The following FAM83F variants were observed in gnomAD, a reference collection of about 807,000 sequenced individuals.
FAM83F encodes the protein scaffolding CK1 anchoring protein F, also known as protein FAM83F.
Under a neutral mutation model 42.9 loss-of-function variants are expected in FAM83F, and 45 were observed. That is an observed-to-expected ratio of 1.05 (90% confidence interval 0.83 to 1.35). FAM83F has a LOEUF of 1.35. FAM83F is among the 40% of genes most tolerant of loss of function. The pLI is 0.00. For missense variants in FAM83F, 617 were observed against 695.9 expected (o/e 0.89, Z 1.28); for synonymous variants, 306 against 298.3 (o/e 1.03, Z -0.27).
In FAM83F at chr22:40,029,584, G is replaced by C; in HGVS notation, c.*19G>C. 1 of 1,609,020 alleles carries C rather than the reference G, an allele frequency of 6.2e-7. No individual in the cohort carries two copies. The highest frequency in any genetic ancestry group is 2.2e-5 in the East Asian group (1 of 44,688). On this transcript the variant is annotated 3_prime_UTR_variant, in exon 5 of 5. Transcript: ENST00000333407. ...TTCCTGAGCTGCGGGATGGTGGTGG[G>C]CAGGACGTGTGGATGCCTGCCTGCC... is the stretch of plus-strand genomic sequence containing the variant.
chr22:40,042,662 A>G lies in FAM83F; in HGVS notation c.*13097A>G, dbSNP rs561302196. The G allele has an allele frequency of 3.5e-4, 53 of 152,344 alleles. No homozygotes were observed. Among genetic ancestry groups the G allele is most frequent in the African/African-American group, 1.2e-3 (51 of 41,574 alleles). 9.4% of individuals were successfully genotyped at this position (152,344 alleles called of 1,614,324 possible). A position where few individuals can be genotyped will look rare whatever the true frequency, so the allele number is the denominator to read the frequency against. ...TCTGCATAGCCTTTGTAACTTAGTAAAAGTGCCTGACATGCTCACTAAACA... is the reference window on the plus strand; with the variant it reads ...TCTGCATAGCCTTTGTAACTTAGTAGAAGTGCCTGACATGCTCACTAAACA... On this transcript the variant is annotated 3_prime_UTR_variant, in exon 5 of 5. Transcript: ENST00000333407.
At chr22:40,003,934 GGA>G (rs1347775839) in intron 1 of FAM83F, among the ~76,000 whole-genome samples, 1 of 152,090 alleles carries the variant, frequency 6.6e-6, no homozygotes, top group African/African-American at 2.4e-5. Context: ...CAGTGAGTCA[GGA>G]GATGGGGGTG....
In FAM83F at chr22:40,043,011, G is replaced by A. The variant is rs548614661; in HGVS notation, c.*13446G>A. 2 of 152,260 alleles carry A rather than the reference G, an allele frequency of 1.3e-5. No individual in the cohort carries two copies. The highest frequency in any genetic ancestry group is 6.5e-5 in the Admixed American group (1 of 15,298). 9.4% of individuals were successfully genotyped at this position (152,260 alleles called of 1,614,324 possible). ...CAACCTATATTAGAATTTGACGCAC[G>A]ATCTTTCTTCTGTCCTTCTTGCAGT... On this transcript the variant is annotated 3_prime_UTR_variant, in exon 5 of 5. Coordinates refer to ENST00000333407, the MANE Select transcript of FAM83F (RefSeq NM_138435.4).
At chr22:39,998,295 A>G (rs2067381149) in intron 1 of FAM83F, among the ~76,000 whole-genome samples, 1 of 152,160 alleles carries the variant, frequency 6.6e-6, no homozygotes, top group African/African-American at 2.4e-5. Flanking sequence ...ACATGCACAC[A>G]TCCAACTGTG....
chr22:40,024,963 C>T (rs939604772), intron 4 of FAM83F, among the ~76,000 whole-genome samples: 1 of 152,188 alleles, frequency 6.6e-6, no homozygotes, highest in African/African-American at 2.4e-5. Flanking sequence ...TCACGGCGCA[C>T]TCTAGTGGCA....
chr22:40,032,812 G>A lies in FAM83F; in HGVS notation c.*3247G>A, dbSNP rs7285314. 0.17 allele frequency: 26,532 copies of A among 151,962 alleles called. 2,996 individuals are homozygous for A. The highest frequency in any genetic ancestry group is 0.32 in the Admixed American group (4,836 of 15,248). 9.4% of individuals were successfully genotyped at this position (151,962 alleles called of 1,614,324 possible). ...TCTTGATCTCCTGACCTTGTGATCC[G>A]CCCGCCTTGGCCTCCCAAAGTGCTG... On this transcript the variant is annotated 3_prime_UTR_variant, in exon 5 of 5. Coordinates refer to ENST00000333407, the MANE Select transcript of FAM83F (RefSeq NM_138435.4).
rs1457763136 is a variant in FAM83F at position 40,037,953 on chromosome 22, A to G, written c.*8388A>G. On this transcript the variant is annotated 3_prime_UTR_variant, in exon 5 of 5. Coordinates refer to ENST00000333407, the MANE Select transcript of FAM83F (RefSeq NM_138435.4). ...GGCTGGTCTCTAACTCCTGGGCTCA[A>G]GTGATCCTCCCACCTCAGCCTCCCA... is the stretch of plus-strand genomic sequence containing the variant. 6.6e-6 allele frequency: 1 copy of G among 151,940 alleles called. No homozygotes were observed. The highest frequency in any genetic ancestry group is 1.5e-5 in the Non-Finnish European group (1 of 68,056). 9.4% of individuals were successfully genotyped at this position (151,940 alleles called of 1,614,324 possible).
intron 1 of FAM83F, among the ~76,000 whole-genome samples, chr22:40,003,828 A>G (rs2067414132): frequency 6.6e-6 from 1 of 152,164 alleles, no homozygotes; most frequent in Non-Finnish European, 1.5e-5. Flanking sequence ...CACAGCTTGC[A>G]CGCCGGTCAT....
In FAM83F at chr22:40,034,173, C is replaced by G. The variant is rs1401760997; in HGVS notation, c.*4608C>G. Reference sequence around the variant, plus strand: ...TCTCAGTGAACATTGACAAAGCCCCCTTAGCAGCTAATTAGCCCTGCCGTG... The same window carrying G: ...TCTCAGTGAACATTGACAAAGCCCCGTTAGCAGCTAATTAGCCCTGCCGTG... On this transcript the variant is annotated 3_prime_UTR_variant, in exon 5 of 5. Transcript: ENST00000333407. The G allele has an allele frequency of 6.6e-6, 1 of 152,286 alleles. No individual in the cohort carries two copies. The highest frequency in any genetic ancestry group is 1.9e-4 in the East Asian group (1 of 5,200). The allele number at this position is 152,286 out of a possible 1,614,324, so 9.4% of individuals were successfully genotyped here. A position where few individuals can be genotyped will look rare whatever the true frequency, so the allele number is the denominator to read the frequency against.
chr22:40,029,571 G>A lies in FAM83F; in HGVS notation c.*6G>A, dbSNP rs781188186. 7 of 1,611,242 alleles carry A rather than the reference G, an allele frequency of 4.3e-6. No homozygotes were observed. Among genetic ancestry groups the A allele is most frequent in the Non-Finnish European group, 5.9e-6 (7 of 1,178,718 alleles). The stretch of plus-strand genomic sequence containing the variant: ...GCAACTGTGTGATTTCCTGAGCTGC[G>A]GGATGGTGGTGGGCAGGACGTGTGG... On this transcript the variant is annotated 3_prime_UTR_variant, in exon 5 of 5. Transcript: ENST00000333407.
At chr22:40,026,536 C>CA (rs890022441) in intron 4 of FAM83F, among the ~76,000 whole-genome samples, 12 of 151,808 alleles carry the variant, frequency 7.9e-5, no homozygotes, top group African/African-American at 2.9e-4. Context: ...CAAAACAAAA[C>CA]AAAACAAAAA....
chr22:39,996,344 A>C (rs1047918247), intron 1 of FAM83F, among the ~76,000 whole-genome samples: 4 of 152,112 alleles, frequency 2.6e-5, no homozygotes, highest in African/African-American at 7.2e-5. Flanking sequence ...GATCAAATGT[A>C]GGATGCCCCA....
chr22:40,005,020 G>T (rs2067420712), intron 1 of FAM83F, among the ~76,000 whole-genome samples: 1 of 152,182 alleles, frequency 6.6e-6, no homozygotes, highest in Non-Finnish European at 1.5e-5. Flanking sequence ...TCACTTGAAT[G>T]CCCTCCTGAT....
chr22:40,002,449 A>C (rs2067407286), intron 1 of FAM83F, among the ~76,000 whole-genome samples: 1 of 152,158 alleles, frequency 6.6e-6, no homozygotes, highest in Admixed American at 6.5e-5. Flanking sequence ...GTTTCCCAGA[A>C]AGTTCAAAAG....
intron 1 of FAM83F, among the ~76,000 whole-genome samples, chr22:40,006,779 A>C (rs1208312477): frequency 6.6e-6 from 1 of 152,166 alleles, no homozygotes; most frequent in Non-Finnish European, 1.5e-5. Flanking sequence ...CTGAGTGGGC[A>C]GGGAAACGGG....
intron 1 of FAM83F, among the ~76,000 whole-genome samples, chr22:40,000,718 C>G (rs1029636377): frequency 1.3e-5 from 2 of 152,222 alleles, no homozygotes; most frequent in Non-Finnish European, 2.9e-5. Flanking sequence ...TGTTTGAGAG[C>G]TGGTCCCAAT....
chr22:39,996,205 CAT>C (rs1188358528), intron 1 of FAM83F, among the ~76,000 whole-genome samples: 3 of 152,172 alleles, frequency 2.0e-5, no homozygotes, highest in Non-Finnish European at 2.9e-5. Context: ...TCCTACTTAG[CAT>C]ATGTGTCCTG....
chr22:39,998,489 G>C (rs2067381845), intron 1 of FAM83F, among the ~76,000 whole-genome samples: 1 of 150,470 alleles, frequency 6.6e-6, no homozygotes, highest in South Asian at 2.1e-4. Context: ...GGAGAAAGGA[G>C]CCTAATTAGG....
At chr22:40,006,646 T>C (rs1342445730) in intron 1 of FAM83F, among the ~76,000 whole-genome samples, 1 of 152,134 alleles carries the variant, frequency 6.6e-6, no homozygotes, top group Non-Finnish European at 1.5e-5. Context: ...CAAATAATCT[T>C]GTGGGGTATG....
Sources: gnomAD v4.1 joint callset for allele counts (sites outside exome capture counted in the v4.1 genomes callset) on GRCh38, gnomAD v4.1.1 for gene constraint, MANE v1.5 for transcripts, NCBI Gene and HGNC (gene_info 2026-07-23, HGNC 2026-07-21) for gene names.